The following RAD51B variants were observed in gnomAD, a reference collection of about 807,000 sequenced individuals.
RAD51B encodes RAD51 paralog B.
RAD51B carries 38 observed loss-of-function variants against 42.2 expected under a neutral mutation model. The observed-to-expected ratio is 0.90, with a 90% CI of 0.70 to 1.18. RAD51B has a LOEUF of 1.18. RAD51B is among the 50% of genes most tolerant of loss of function. The probability of loss-of-function intolerance (pLI) is 0.00; values close to 1 mark genes in which losing one functional copy is unlikely to be tolerated. For synonymous variants in RAD51B, 154 were observed against 145.2 expected, an observed-to-expected ratio of 1.06 and a Z score of -0.43; for missense variants, 373 against 400.7, an observed-to-expected ratio of 0.93 and a Z score of 0.59.
chr14:67,908,766 GTTC>G (rs1322593601), intron 7 of RAD51B: 3 of 152,144 alleles, frequency 2.0e-5, no homozygotes, highest in Non-Finnish European at 4.4e-5. Context: ...CTTGGACTCA[GTTC>G]TATGAACTGG....
intron 7 of RAD51B, among the ~76,000 whole-genome samples, chr14:68,005,824 A>G (rs1173288317): frequency 6.6e-6 from 1 of 152,194 alleles, no homozygotes; most frequent in East Asian, 1.9e-4. Flanking sequence ...TTATGGTTCC[A>G]TAGGCTGTAC....
intron 5 of RAD51B, among the ~76,000 whole-genome samples, chr14:67,877,396 A>T (rs960588571): frequency 3.3e-5 from 5 of 152,098 alleles, no homozygotes; most frequent in African/African-American, 1.2e-4. Flanking sequence ...CTTTCCACTG[A>T]ACTGTGGTTG....
intron 10 of RAD51B, chr14:68,540,260 C>A: frequency 9.7e-7 from 1 of 1,028,374 alleles, no homozygotes. Flanking sequence ...GTTCCTTGCA[C>A]CCTGTTCAAG....
chr14:68,159,229 T>C (rs528830220), intron 7 of RAD51B, among the ~76,000 whole-genome samples: 249 of 152,314 alleles, frequency 1.6e-3, no homozygotes, highest in Middle Eastern at 0.014. Context: ...TCATGAATAC[T>C]ATCATGTCTA....
At chr14:68,578,771 C>T (rs981604810) in intron 10 of RAD51B, among the ~76,000 whole-genome samples, 1 of 152,250 alleles carries the variant, frequency 6.6e-6, no homozygotes, top group Admixed American at 6.5e-5. Context: ...GATCCATGTG[C>T]CTTCCAACAC....
At chr14:68,211,185 G>A (rs1466895079) in intron 7 of RAD51B, among the ~76,000 whole-genome samples, 3 of 152,212 alleles carry the variant, frequency 2.0e-5, no homozygotes, top group Non-Finnish European at 2.9e-5. Flanking sequence ...TCATTAAGTG[G>A]CCTAGCTCAG....
chr14:68,667,464 TAC>T (rs1893055950), intron 11 of RAD51B, among the ~76,000 whole-genome samples: 2 of 152,090 alleles, frequency 1.3e-5, no homozygotes, highest in Non-Finnish European at 2.9e-5. Flanking sequence ...ATATAAAAAC[TAC>T]CTTCACAGAA....
At chr14:67,852,309 C>T (rs1053755378) in intron 4 of RAD51B, among the ~76,000 whole-genome samples, 19 of 152,198 alleles carry the variant, frequency 1.2e-4, no homozygotes, top group Non-Finnish European at 1.8e-4. Context: ...CCTAGAGCTA[C>T]GCGAAAAAAC....
At chr14:68,477,145 T>C (rs1029636393) in intron 10 of RAD51B, among the ~76,000 whole-genome samples, 2 of 152,234 alleles carry the variant, frequency 1.3e-5, no homozygotes, top group African/African-American at 4.8e-5. Context: ...AGGAGTGTTT[T>C]GGTCAGCCGC....
intron 8 of RAD51B, among the ~76,000 whole-genome samples, chr14:68,327,689 C>T (rs982491057): frequency 6.6e-6 from 1 of 151,374 alleles, no homozygotes; most frequent in Non-Finnish European, 1.5e-5. Flanking sequence ...CAAGTTCTAA[C>T]CATTATGAGT....
intron 8 of RAD51B, among the ~76,000 whole-genome samples, chr14:68,310,508 G>C (rs1368846097): frequency 3.3e-5 from 5 of 152,180 alleles, no homozygotes; most frequent in African/African-American, 1.2e-4. Flanking sequence ...ATAGGTATGA[G>C]TGCTTGATGC....
At chr14:68,330,076 A>G (rs1046926002) in intron 8 of RAD51B, among the ~76,000 whole-genome samples, 2 of 152,170 alleles carry the variant, frequency 1.3e-5, no homozygotes, top group Non-Finnish European at 2.9e-5. Flanking sequence ...ACATGATGCT[A>G]GGCTACGTTA....
At chr14:68,194,714 G>A (rs1325240133) in intron 7 of RAD51B, among the ~76,000 whole-genome samples, 1 of 152,216 alleles carries the variant, frequency 6.6e-6, no homozygotes, top group Non-Finnish European at 1.5e-5. Flanking sequence ...TAAACACAGA[G>A]TGAGAATGAG....
chr14:68,390,380 G>A (rs186264471), intron 8 of RAD51B, among the ~76,000 whole-genome samples: 1 of 152,178 alleles, frequency 6.6e-6, no homozygotes, highest in Non-Finnish European at 1.5e-5. Context: ...CACATTTGGG[G>A]TCTTCATCCT....
At chr14:68,121,289 C>T (rs1441551941) in intron 7 of RAD51B, among the ~76,000 whole-genome samples, 1 of 152,144 alleles carries the variant, frequency 6.6e-6, no homozygotes, top group East Asian at 1.9e-4. Flanking sequence ...AAGTGAAGAA[C>T]CTGAAAGCCA....
At chr14:67,879,645 G>T (rs760861949) in intron 5 of RAD51B, among the ~76,000 whole-genome samples, 5 of 151,834 alleles carry the variant, frequency 3.3e-5, no homozygotes, top group Non-Finnish European at 5.9e-5. Flanking sequence ...ATACATTTTT[G>T]ACTAAAAAAA....
chr14:68,360,744 A>G (rs2139909958), intron 8 of RAD51B, among the ~76,000 whole-genome samples: 1 of 152,346 alleles, frequency 6.6e-6, no homozygotes, highest in Admixed American at 6.5e-5. Flanking sequence ...ATTTCATCAA[A>G]GTTTTACATG....
At chr14:67,952,865 TTTTAG>T (rs747212940) in intron 7 of RAD51B, among the ~76,000 whole-genome samples, 165 of 152,160 alleles carry the variant, frequency 1.1e-3, no homozygotes, top group Non-Finnish European at 2.0e-3. Context: ...GAAAAAAGTT[TTTTAG>T]TTTAGTTTAG....
intron 10 of RAD51B, among the ~76,000 whole-genome samples, chr14:68,602,809 G>T (rs1272865029): frequency 6.6e-6 from 1 of 152,166 alleles, no homozygotes; most frequent in Non-Finnish European, 1.5e-5. Flanking sequence ...CGGGTACTAT[G>T]ACCTAGGCAA....
Sources: allele counts gnomAD v4.1 joint callset (sites outside exome capture counted in the v4.1 genomes callset), GRCh38; gene constraint gnomAD v4.1.1; transcripts MANE v1.5; gene names NCBI Gene and HGNC (gene_info 2026-07-23, HGNC 2026-07-21).